Variants in LMAN2L observed in about 807,000 individuals in gnomAD.
LMAN2L encodes VIP36-like protein.
Under a neutral mutation model 44.3 loss-of-function variants are expected in LMAN2L, and 30 were observed. The observed-to-expected ratio is 0.68, with a 90% CI of 0.51 to 0.92. The LOEUF (loss-of-function observed/expected upper bound fraction) is 0.92, where lower values mean the gene tolerates loss of function less well. LMAN2L is among the 40% of genes least tolerant of loss of function. LMAN2L has a pLI of 0.00. For missense variants in LMAN2L, 429 were observed against 446.1 expected (o/e 0.96, Z 0.35); for synonymous variants, 183 against 171.1 (o/e 1.07, Z -0.54).
intron 4 of LMAN2L, among the ~76,000 whole-genome samples, chr2:96,714,355 C>A (rs2077990314): frequency 6.6e-6 from 1 of 152,230 alleles, no homozygotes. Flanking sequence ...CGGCACTGGG[C>A]TCCATGGGCC....
chr2:96,737,063 A>G, intron 2 of LMAN2L: 1 of 429,400 alleles, frequency 2.3e-6, no homozygotes. Flanking sequence ...AGGATGCCAG[A>G]GTCATGCCCA....
chr2:96,707,476 G>GC, intron 7 of LMAN2L, 78 bp from the exon 8 acceptor site: 1 of 1,471,522 alleles, frequency 6.8e-7, no homozygotes, highest in Non-Finnish European at 9.1e-7. Context: ...AGGCTGTCCG[G>GC]CCCCCAGTTT....
intron 4 of LMAN2L, among the ~76,000 whole-genome samples, chr2:96,721,624 C>A (rs34930820): frequency 0.029 from 4,453 of 152,114 alleles, 92 homozygotes; most frequent in Non-Finnish European, 0.045. Flanking sequence ...CCTCAGCCTG[C>A]AAAGTAGCTG....
Position 96,708,908 on chromosome 2 carries a change from C to CTTT in LMAN2L, c.785-1078_785-1076dup, listed in dbSNP as rs140328524. 8.6e-3 allele frequency among the ~76,000 whole-genome samples: 765 copies of CTTT among 89,156 alleles called. 3 individuals carry two copies. Among genetic ancestry groups the CTTT allele is most frequent in the Middle Eastern group, 0.018 (2 of 112 alleles). The allele number at this position is 89,156 out of a possible 152,430, so 58.5% of individuals were successfully genotyped here. On this transcript the variant is annotated intron_variant, in intron 6 of 7. Coordinates refer to ENST00000264963, the MANE Select transcript of LMAN2L (RefSeq NM_030805.4). ...TGTGTTGCAATGCACTGAAGTTAGA[C>CTTT]TTTTTTTTTTTTTTTTTTTTTTTGA... is the stretch of plus-strand genomic sequence containing the variant.
chr2:96,724,708 G>T (rs144388960), intron 4 of LMAN2L, among the ~76,000 whole-genome samples: 1 of 152,080 alleles, frequency 6.6e-6, no homozygotes, highest in African/African-American at 2.4e-5. Flanking sequence ...GTGAAGTGGC[G>T]CAATCTCAGC....
Position 96,738,005 on chromosome 2 carries a change from A to G in LMAN2L, c.250T>C (p.Tyr84His). Reference protein sequence around the residue: ...LMGNAMVMTQYIRLTPDMQSK... With the variant: ...LMGNAMVMTQHIRLTPDMQSK... ...TGCATATCTGGGGTAAGGCGGATAT[A>G]CTGGGTCATCACCATGGCATTGCCC... is the stretch of plus-strand genomic sequence containing the variant. Residue 84 changes from tyrosine (Y) to histidine (H), a missense_variant, in exon 2 of 8, where the codon TAT (tyrosine) becomes CAT (histidine). Physicochemically the swap from Tyr to His is moderately conservative, Grantham distance 83 (BLOSUM62 2). Transcript: ENST00000264963. The G allele has an allele frequency of 1.9e-6, 3 of 1,614,152 alleles. No homozygotes were observed. Among genetic ancestry groups the G allele is most frequent in the Non-Finnish European group, 2.5e-6 (3 of 1,180,000 alleles).
chr2:96,719,565 T>C (rs2078107805), intron 4 of LMAN2L, among the ~76,000 whole-genome samples: 1 of 151,332 alleles, frequency 6.6e-6, no homozygotes, highest in African/African-American at 2.4e-5. Flanking sequence ...CTTGAAAACA[T>C]AGCAAGACCG....
intron 4 of LMAN2L, among the ~76,000 whole-genome samples, chr2:96,720,917 C>T (rs1417688817): frequency 9.2e-5 from 14 of 152,034 alleles, no homozygotes; most frequent in Non-Finnish European, 1.5e-4. Context: ...CCAACCTGGG[C>T]GACAGGGTGA....
intron 4 of LMAN2L, among the ~76,000 whole-genome samples, chr2:96,724,352 T>C (rs762631943): frequency 1.5e-4 from 23 of 152,212 alleles, no homozygotes; most frequent in African/African-American, 1.9e-4. Context: ...TTGTGAATTT[T>C]TGCCAAGAAG....
intron 4 of LMAN2L, among the ~76,000 whole-genome samples, chr2:96,727,042 C>T (rs996920049): frequency 1.1e-4 from 16 of 152,054 alleles, no homozygotes; most frequent in African/African-American, 3.6e-4. Flanking sequence ...CAAGATCACG[C>T]CACTGCATTC....
chr2:96,714,384 C>T (rs1318261587), intron 4 of LMAN2L, among the ~76,000 whole-genome samples: 2 of 152,242 alleles, frequency 1.3e-5, no homozygotes, highest in African/African-American at 2.4e-5. Flanking sequence ...GAGTCCGAGG[C>T]TGCAGTGCAG....
chr2:96,727,250 A>T (rs2153330843), intron 4 of LMAN2L, among the ~76,000 whole-genome samples: 1 of 152,146 alleles, frequency 6.6e-6, no homozygotes, highest in Non-Finnish European at 1.5e-5. Flanking sequence ...AAATTTTGTC[A>T]CTTTTTCTCT....
intron 4 of LMAN2L, among the ~76,000 whole-genome samples, chr2:96,716,094 T>C (rs955004926): frequency 2.6e-5 from 4 of 152,328 alleles, no homozygotes; most frequent in South Asian, 2.1e-4. Flanking sequence ...CAAACATACA[T>C]CTTCTAAAGC....
chr2:96,737,918 T>C, intron 2 of LMAN2L, 31 bp downstream of exon 2: 1 of 1,456,396 alleles, frequency 6.9e-7, no homozygotes, highest in Non-Finnish European at 9.6e-7. Context: ...CCTTTCTGGG[T>C]CACCAACACA....
rs2077924646 is a variant in LMAN2L at position 96,711,774 on chromosome 2, G to A, written c.670-4C>T. 6.2e-7 allele frequency: 1 copy of A among 1,613,234 alleles called. No homozygotes were observed. Among genetic ancestry groups the A allele is most frequent in the South Asian group, 1.1e-5 (1 of 91,064 alleles). Reference sequence around the variant, plus strand: ...TGCCATCAATATCCATCATTATCTAGAATAAAAAGAGAGATAAATCAGGGT... The same window carrying A: ...TGCCATCAATATCCATCATTATCTAAAATAAAAAGAGAGATAAATCAGGGT... On this transcript the variant is annotated splice_region_variant and splice_polypyrimidine_tract_variant and intron_variant, in intron 5 of 7. Coordinates refer to ENST00000264963, the MANE Select transcript of LMAN2L (RefSeq NM_030805.4).
intron 3 of LMAN2L, among the ~76,000 whole-genome samples, chr2:96,734,186 T>G (rs2078464469): frequency 1.3e-5 from 2 of 152,084 alleles, no homozygotes; most frequent in South Asian, 4.1e-4. Flanking sequence ...ACAAGGAAAC[T>G]CAGAAAGAAG....
Position 96,710,625 on chromosome 2 carries a change from C to T in LMAN2L, c.784+1031G>A, listed in dbSNP as rs542482916. 1.9e-3 allele frequency among the ~76,000 whole-genome samples: 293 copies of T among 152,162 alleles called. 1 individual carries two copies. Among genetic ancestry groups the T allele is most frequent in the African/African-American group, 6.5e-3 (271 of 41,494 alleles). ...GTTGCAGTGAGCTGACATGGCGCCA[C>T]TGCACCCCAGCCTGGCGACAGAGCG... On this transcript the variant is annotated intron_variant, in intron 6 of 7. Transcript: ENST00000264963.
intron 4 of LMAN2L, among the ~76,000 whole-genome samples, chr2:96,720,790 T>G (rs1230295785): frequency 6.6e-6 from 1 of 151,898 alleles, no homozygotes; most frequent in Non-Finnish European, 1.5e-5. Context: ...AATACAAAAA[T>G]TAGCCAGGCG....
chr2:96,707,622 C>T (rs981520206), intron 7 of LMAN2L, 92 bp downstream of exon 7: 3 of 1,481,674 alleles, frequency 2.0e-6, no homozygotes, highest in Admixed American at 2.0e-5. Flanking sequence ...AGAAGAAGAA[C>T]ACAGAGCAGA....
Sources: gnomAD v4.1 joint callset for allele counts (sites outside exome capture counted in the v4.1 genomes callset) on GRCh38, gnomAD v4.1.1 for gene constraint, MANE v1.5 for transcripts, NCBI Gene and HGNC (gene_info 2026-07-23, HGNC 2026-07-21) for gene names.